The following ARHGAP10 variants were observed in gnomAD, a reference collection of about 807,000 sequenced individuals.
ARHGAP10 encodes the protein Rho GTPase activating protein 10.
A neutral mutation model predicts 108.6 loss-of-function variants in ARHGAP10; 87 were observed. That is an observed-to-expected ratio of 0.80 (90% CI 0.67 to 0.96). ARHGAP10 has a LOEUF of 0.96. Ranked by LOEUF, ARHGAP10 falls within the 40% of genes least tolerant of loss-of-function variation. ARHGAP10 has a pLI of 0.00. For missense variants in ARHGAP10, 939 were observed against 954.5 expected, an observed-to-expected ratio of 0.98 and a Z score of 0.21; for synonymous variants, 347 against 341.1, an observed-to-expected ratio of 1.02 and a Z score of -0.19.
intron 19 of ARHGAP10, among the ~76,000 whole-genome samples, chr4:148,025,915 G>C (rs1209289593): frequency 6.6e-6 from 1 of 152,066 alleles, no homozygotes; most frequent in African/African-American, 2.4e-5. Context: ...TTTTCCAAAT[G>C]TTCTAGTTTA....
intron 1 of ARHGAP10, among the ~76,000 whole-genome samples, chr4:147,739,766 G>A (rs999163343): frequency 4.0e-4 from 58 of 144,438 alleles, no homozygotes; most frequent in African/African-American, 1.3e-3. Context: ...ACGGAGTTTC[G>A]CTTTTGTTGC....
chr4:147,954,102 A>G (rs1017414956), intron 15 of ARHGAP10, among the ~76,000 whole-genome samples: 4 of 152,022 alleles, frequency 2.6e-5, no homozygotes, highest in Non-Finnish European at 2.9e-5. Context: ...TGAGATTTGT[A>G]TCATGGCCCA....
chr4:147,899,999 C>T (rs567075456), intron 10 of ARHGAP10, among the ~76,000 whole-genome samples: 256 of 151,734 alleles, frequency 1.7e-3, no homozygotes, highest in Non-Finnish European at 3.2e-3. Context: ...ACTCTGTTTA[C>T]AATAATGTCT....
chr4:147,820,680 T>C (rs1385647661), intron 1 of ARHGAP10, among the ~76,000 whole-genome samples: 1 of 142,906 alleles, frequency 7.0e-6, no homozygotes, highest in Non-Finnish European at 1.5e-5. Context: ...AACTTTCTCC[T>C]CCTGGGTTCA....
intron 19 of ARHGAP10, 85 bp downstream of exon 19, chr4:148,023,498 G>C: frequency 7.4e-7 from 1 of 1,342,498 alleles, no homozygotes; most frequent in South Asian, 2.0e-5. Flanking sequence ...ACAGTTTTCT[G>C]TCATCTGTGT....
At position 147,877,819 on chromosome 4, in the gene ARHGAP10, CTTT is replaced by C. The variant is rs549355620; in HGVS notation, c.833-1400_833-1398del. Among the ~76,000 whole-genome samples, 84 of 131,440 alleles carry C rather than the reference CTTT, an allele frequency of 6.4e-4. 4 individuals are homozygous for C. Among genetic ancestry groups the C allele is most frequent in the African/African-American group, 2.6e-3 (82 of 31,806 alleles). The allele number at this position is 131,440 out of a possible 152,430, so 86.2% of individuals were successfully genotyped here. A position where few individuals can be genotyped will look rare whatever the true frequency, so the allele number is the denominator to read the frequency against. Reference sequence around the variant, plus strand: ...AGTCTTAGATTTCTTATTCTTCATACTTTTTTTTTTTTTTTGCTGAGATTACAG... The same window carrying C: ...AGTCTTAGATTTCTTATTCTTCATACTTTTTTTTTTTTGCTGAGATTACAG... On this transcript the variant is annotated intron_variant, in intron 8 of 22. Transcript: ENST00000336498.
intron 3 of ARHGAP10, among the ~76,000 whole-genome samples, chr4:147,845,374 A>C (rs576828098): frequency 6.6e-6 from 1 of 152,358 alleles, no homozygotes; most frequent in Admixed American, 6.5e-5. Context: ...CCACGAAGGC[A>C]GGGGGCTGTG....
intron 19 of ARHGAP10, among the ~76,000 whole-genome samples, chr4:148,025,402 CTT>C (rs1741729238): frequency 6.6e-6 from 1 of 151,684 alleles, no homozygotes; most frequent in Admixed American, 6.6e-5. Flanking sequence ...CAGGAAAACT[CTT>C]AAGTTTGGTC....
intron 8 of ARHGAP10, among the ~76,000 whole-genome samples, chr4:147,878,143 T>A (rs1735152633): frequency 6.6e-6 from 1 of 151,926 alleles, no homozygotes; most frequent in Non-Finnish European, 1.5e-5. Flanking sequence ...TCACCCAGGC[T>A]GGAGTGCAGT....
chr4:147,880,395 T>G (rs1735275282), intron 9 of ARHGAP10, among the ~76,000 whole-genome samples: 1 of 152,108 alleles, frequency 6.6e-6, no homozygotes, highest in Admixed American at 6.6e-5. Flanking sequence ...ACATGGAAAA[T>G]TAGTCATGGT....
chr4:147,989,475 T>A (rs539318337), intron 18 of ARHGAP10, among the ~76,000 whole-genome samples: 51 of 152,298 alleles, frequency 3.3e-4, no homozygotes, highest in African/African-American at 1.2e-3. Context: ...CTCTGCAATC[T>A]TGACCATAAG....
intron 1 of ARHGAP10, among the ~76,000 whole-genome samples, chr4:147,779,837 C>G (rs1730457602): frequency 6.6e-6 from 1 of 152,132 alleles, no homozygotes; most frequent in African/African-American, 2.4e-5. Flanking sequence ...TCTGTTGACC[C>G]TGAAATTTCC....
intron 1 of ARHGAP10, among the ~76,000 whole-genome samples, chr4:147,758,456 A>C (rs1356653010): frequency 6.6e-6 from 1 of 152,116 alleles, no homozygotes; most frequent in African/African-American, 2.4e-5. Flanking sequence ...ACCACAGTCA[A>C]TTTTAGAACA....
At chr4:147,878,181 T>C (rs1361900937) in intron 8 of ARHGAP10, among the ~76,000 whole-genome samples, 1 of 151,716 alleles carries the variant, frequency 6.6e-6, no homozygotes, top group African/African-American at 2.4e-5. Flanking sequence ...CTGCAACCTC[T>C]GCCTCCTGGG....
intron 4 of ARHGAP10, among the ~76,000 whole-genome samples, chr4:147,856,767 C>T (rs1046810681): frequency 4.6e-5 from 7 of 152,198 alleles, no homozygotes; most frequent in Non-Finnish European, 1.0e-4. Context: ...AACCTGTATT[C>T]ATACTGGACC....
chr4:147,930,541 AT>A (rs1399907504), intron 13 of ARHGAP10, among the ~76,000 whole-genome samples: 1 of 152,216 alleles, frequency 6.6e-6, no homozygotes, highest in East Asian at 1.9e-4. Flanking sequence ...TGTCTGTTTA[AT>A]TTTACCCTGT....
rs1735227450 is a variant in ARHGAP10, at chr4:147,879,265, A to G, written c.866A>G (p.His289Arg). ...PAPFGSSWVK[H>R]YCMYRKAAKK... is the part of the protein sequence containing the mutation. ...CCGTTTGGTTCCAGTTGGGTCAAACACTATTGCATGTATCGAAAAGCAGCA... is the reference window on the plus strand; with the variant it reads ...CCGTTTGGTTCCAGTTGGGTCAAACGCTATTGCATGTATCGAAAAGCAGCA... Residue 289 changes from histidine to arginine, a missense_variant, in exon 9 of 23, where the codon CAC becomes CGC. By Grantham distance (29) the His-to-Arg change is conservative (BLOSUM62 0). Transcript: ENST00000336498. The G allele has an allele frequency of 3.7e-6, 6 of 1,614,042 alleles. No individual in the cohort carries two copies. Among genetic ancestry groups the G allele is most frequent in the East Asian group, 2.2e-5 (1 of 44,882 alleles).
chr4:148,064,303 G>A (rs978568509), intron 21 of ARHGAP10, 113 bp from the exon 22 acceptor site: 1 of 721,790 alleles, frequency 1.4e-6, no homozygotes, highest in Non-Finnish European at 2.3e-6. Flanking sequence ...CTTTTGGGAG[G>A]AGTTGCCCTA....
At chr4:147,939,954 T>TTC in intron 14 of ARHGAP10, 55 bp downstream of exon 14, 1 of 1,424,020 alleles carries the variant, frequency 7.0e-7, no homozygotes, top group Non-Finnish European at 9.9e-7. Context: ...GTTCATTGAC[T>TTC]TCACAGCTTA....
Sources: allele counts gnomAD v4.1 joint callset (sites outside exome capture counted in the v4.1 genomes callset), GRCh38; gene constraint gnomAD v4.1.1; transcripts MANE v1.5; gene names NCBI Gene and HGNC (gene_info 2026-07-23, HGNC 2026-07-21).